GABRB2: variants seen among roughly 807,000 people sequenced by gnomAD.
GABRB2 encodes gamma-aminobutyric acid type A receptor subunit beta2, also known as gamma-aminobutyric acid receptor subunit beta-2.
GABRB2 carries 16 observed loss-of-function variants against 54.7 expected under a neutral mutation model. The observed-to-expected ratio is 0.29, with a 90% confidence interval of 0.20 to 0.44. The LOEUF (loss-of-function observed/expected upper bound fraction) is 0.44. Among genes scored for constraint, GABRB2 ranks in the 20% least tolerant of loss-of-function variants. The pLI is 1.00. For missense variants in GABRB2, 355 were observed against 644.0 expected, an observed-to-expected ratio of 0.55 and a Z score of 4.86; for synonymous variants, 244 against 233.8, an observed-to-expected ratio of 1.04 and a Z score of -0.40.
At chr5:161,510,351 G>A (rs568783802) in intron 3 of GABRB2, among the ~76,000 whole-genome samples, 2 of 151,324 alleles carry the variant, frequency 1.3e-5, no homozygotes, top group South Asian at 4.2e-4. Flanking sequence ...GAGAACATGC[G>A]ACATTTGTCT....
At chr5:161,355,027 T>G (rs1754573330) in intron 5 of GABRB2, among the ~76,000 whole-genome samples, 2 of 151,996 alleles carry the variant, frequency 1.3e-5, no homozygotes, top group South Asian at 4.1e-4. Flanking sequence ...TACATGGATG[T>G]TTCTTAATCC....
chr5:161,486,142 T>C (rs1450061315), intron 3 of GABRB2, among the ~76,000 whole-genome samples: 1 of 151,982 alleles, frequency 6.6e-6, no homozygotes, highest in East Asian at 1.9e-4. Flanking sequence ...TGTATACTTA[T>C]GGTTACGGTA....
At chr5:161,518,510 G>A (rs554732658) in intron 3 of GABRB2, among the ~76,000 whole-genome samples, 2 of 152,190 alleles carry the variant, frequency 1.3e-5, no homozygotes, top group African/African-American at 4.8e-5. Context: ...GTAAAAAATC[G>A]CATTTGACTG....
intron 5 of GABRB2, among the ~76,000 whole-genome samples, chr5:161,397,943 A>G (rs1434185997): frequency 6.6e-6 from 1 of 152,154 alleles, no homozygotes; most frequent in African/African-American, 2.4e-5. Context: ...ATACACCACA[A>G]TGAGAAAATG....
intron 4 of GABRB2, among the ~76,000 whole-genome samples, chr5:161,430,058 T>A (rs1462865685): frequency 2.0e-5 from 3 of 152,222 alleles, no homozygotes; most frequent in Non-Finnish European, 2.9e-5. Context: ...TGGTCTGTCC[T>A]GAGGGCTAAT....
At chr5:161,407,371 A>T (rs1342322180) in intron 5 of GABRB2, among the ~76,000 whole-genome samples, 1 of 152,106 alleles carries the variant, frequency 6.6e-6, no homozygotes, top group Non-Finnish European at 1.5e-5. Context: ...GTGGCCTCAC[A>T]GTGTAATGAG....
At chr5:161,512,174 T>C (rs1759792537) in intron 3 of GABRB2, among the ~76,000 whole-genome samples, 1 of 152,090 alleles carries the variant, frequency 6.6e-6, no homozygotes, top group African/African-American at 2.4e-5. Flanking sequence ...AAAGCAATCT[T>C]CAGATTCAAC....
At chr5:161,372,146 C>T (rs1430975160) in intron 5 of GABRB2, among the ~76,000 whole-genome samples, 2 of 152,168 alleles carry the variant, frequency 1.3e-5, no homozygotes, top group African/African-American at 4.8e-5. Flanking sequence ...ATGTGTTGCT[C>T]TGGACCACCC....
intron 5 of GABRB2, among the ~76,000 whole-genome samples, chr5:161,344,195 CTAGTTCTATTTCCTT>C (rs1754252739): frequency 6.6e-6 from 1 of 152,074 alleles, no homozygotes; most frequent in South Asian, 2.1e-4. Context: ...ATATTTTTTC[CTAGTTCTATTTCCTT>C]TACAAGGAAT....
At chr5:161,480,833 G>A (rs1312604705) in intron 3 of GABRB2, among the ~76,000 whole-genome samples, 1 of 151,928 alleles carries the variant, frequency 6.6e-6, no homozygotes, top group Non-Finnish European at 1.5e-5. Flanking sequence ...TATCCATTAA[G>A]AAATGCATAA....
intron 3 of GABRB2, among the ~76,000 whole-genome samples, chr5:161,515,848 G>T (rs1269961277): frequency 6.6e-6 from 1 of 152,126 alleles, no homozygotes; most frequent in African/African-American, 2.4e-5. Context: ...ATCAAAAACA[G>T]ACATAGTAAC....
At chr5:161,503,095 T>C (rs1759497670) in intron 3 of GABRB2, among the ~76,000 whole-genome samples, 1 of 151,500 alleles carries the variant, frequency 6.6e-6, no homozygotes, top group Non-Finnish European at 1.5e-5. Flanking sequence ...AAGAAAATAG[T>C]TGGTGAAAGA....
chr5:161,313,161 C>G (rs1757925432), intron 9 of GABRB2, among the ~76,000 whole-genome samples: 1 of 152,094 alleles, frequency 6.6e-6, no homozygotes, highest in Non-Finnish European at 1.5e-5. Context: ...GCAGAATGAG[C>G]CCGCGATACT....
At chr5:161,464,879 G>A (rs1285330740) in intron 3 of GABRB2, among the ~76,000 whole-genome samples, 2 of 152,030 alleles carry the variant, frequency 1.3e-5, no homozygotes, top group African/African-American at 2.4e-5. Context: ...ACGGTCCCCT[G>A]GGGTTCAAGA....
chr5:161,394,329 A>G (rs1580946469), intron 5 of GABRB2, among the ~76,000 whole-genome samples: 1 of 151,960 alleles, frequency 6.6e-6, no homozygotes. Context: ...AGCAAAATAA[A>G]TACAAAGGAA....
intron 3 of GABRB2, among the ~76,000 whole-genome samples, chr5:161,529,722 T>C (rs1180822137): frequency 1.3e-5 from 2 of 152,088 alleles, no homozygotes; most frequent in Admixed American, 6.6e-5. Flanking sequence ...AAAGTTCTAA[T>C]GTAATTTTTT....
At chr5:161,305,001 A>ATTTTTTTT (rs544511446) in intron 9 of GABRB2, among the ~76,000 whole-genome samples, 1 of 95,142 alleles carries the variant, frequency 1.1e-5, no homozygotes, top group Non-Finnish European at 2.0e-5. Flanking sequence ...TGATATATCA[A>ATTTTTTTT]TTTTTTTTTT....
chr5:161,376,139 T>C (rs907215302), intron 5 of GABRB2, among the ~76,000 whole-genome samples: 2 of 152,102 alleles, frequency 1.3e-5, no homozygotes, highest in African/African-American at 2.4e-5. Flanking sequence ...AATAATCAAA[T>C]CTAAAATCTG....
intron 8 of GABRB2, 92 bp from the exon 9 acceptor site, chr5:161,326,573 C>A: frequency 2.9e-6 from 4 of 1,378,508 alleles, no homozygotes; most frequent in Non-Finnish European, 2.9e-6. Context: ...TAGATAAATG[C>A]TACTGGCCTT....
Sources: allele counts gnomAD v4.1 joint callset (sites outside exome capture counted in the v4.1 genomes callset), GRCh38; gene constraint gnomAD v4.1.1; transcripts MANE v1.5; gene names NCBI Gene and HGNC (gene_info 2026-07-23, HGNC 2026-07-21).